Variants in DDAH1 observed in about 807,000 individuals in gnomAD.
DDAH1 encodes the protein dimethylarginine dimethylaminohydrolase 1.
In DDAH1, 19 loss-of-function variants were observed where a neutral mutation model predicts 28.8. The ratio of observed to expected loss-of-function variants is 0.66; its 90% CI spans 0.46 to 0.97. The LOEUF (loss-of-function observed/expected upper bound fraction) is 0.97, where lower values mean the gene tolerates loss of function less well. Among genes scored for constraint, DDAH1 ranks in the 50% least tolerant of loss-of-function variants. DDAH1 has a pLI of 0.00. For synonymous variants in DDAH1, 153 were observed against 154.4 expected (o/e 0.99, Z 0.07); for missense variants, 326 against 375.9 (o/e 0.87, Z 1.10).
chr1:85,488,219 T>C (rs1235130494), intron 2 of DDAH1: 1 of 152,058 alleles, frequency 6.6e-6, no homozygotes, highest in Admixed American at 6.6e-5. Flanking sequence ...GAGATTGTAT[T>C]AGTCAGCTCA....
intron 1 of DDAH1, among the ~76,000 whole-genome samples, chr1:85,546,028 G>A (rs1658612701): frequency 6.6e-6 from 1 of 151,942 alleles, no homozygotes; most frequent in African/African-American, 2.4e-5. Flanking sequence ...CTTCTGCGGT[G>A]GTTGTGAAGA....
At chr1:85,456,895 C>T (rs924916608) in intron 1 of DDAH1, among the ~76,000 whole-genome samples, 5 of 152,126 alleles carry the variant, frequency 3.3e-5, no homozygotes, top group African/African-American at 7.2e-5. Flanking sequence ...ATCTAAATGG[C>T]AAACTCAGGA....
At chr1:85,373,244 A>G (rs1650479491) in intron 1 of DDAH1, among the ~76,000 whole-genome samples, 1 of 152,130 alleles carries the variant, frequency 6.6e-6, no homozygotes, top group Non-Finnish European at 1.5e-5. Flanking sequence ...AAAGTAAATT[A>G]ACTCTTTCAG....
chr1:85,569,429 A>C (rs560865286), intron 1 of DDAH1, among the ~76,000 whole-genome samples: 1 of 152,340 alleles, frequency 6.6e-6, no homozygotes, highest in African/African-American at 2.4e-5. Context: ...ACCTGGCCCT[A>C]GGATGTGGTT....
At chr1:85,372,107 T>C (rs1650413838) in intron 1 of DDAH1, among the ~76,000 whole-genome samples, 1 of 152,084 alleles carries the variant, frequency 6.6e-6, no homozygotes, top group Admixed American at 6.6e-5. Context: ...GCAGAGTGCA[T>C]AGTAATTAAT....
intron 2 of DDAH1, among the ~76,000 whole-genome samples, chr1:85,353,967 G>A (rs1378250938): frequency 6.6e-6 from 1 of 152,128 alleles, no homozygotes; most frequent in Non-Finnish European, 1.5e-5. Flanking sequence ...AGGCTAAGAT[G>A]TGATGGGAAA....
chr1:85,478,571 C>G (rs1655883441), intron 2 of DDAH1, among the ~76,000 whole-genome samples: 1 of 152,158 alleles, frequency 6.6e-6, no homozygotes, highest in African/African-American at 2.4e-5. Flanking sequence ...AATAGGAAAA[C>G]CCACCCCCAT....
chr1:85,498,900 C>T (rs1275957140), intron 1 of DDAH1, among the ~76,000 whole-genome samples: 2 of 151,596 alleles, frequency 1.3e-5, no homozygotes, highest in East Asian at 1.9e-4. Context: ...CCAGCCTGGG[C>T]GACAAAGTGA....
chr1:85,495,160 A>AT (rs35573396), intron 2 of DDAH1: 21,432 of 146,092 alleles, frequency 0.15, 1,619 homozygotes, highest in Admixed American at 0.2. Flanking sequence ...TTTCTGTCCA[A>AT]TTTTTTTTTT....
intron 1 of DDAH1, among the ~76,000 whole-genome samples, chr1:85,438,525 T>C (rs796110073): frequency 1.3e-5 from 2 of 152,208 alleles, no homozygotes; most frequent in South Asian, 4.1e-4. Context: ...TGCAGACTTC[T>C]GACTGTGTGA....
chr1:85,395,881 A>G (rs4428939), intron 1 of DDAH1, among the ~76,000 whole-genome samples: 124,276 of 151,958 alleles, frequency 0.82, 50,968 homozygotes, highest in Middle Eastern at 0.9. Context: ...TTTTCTTGAC[A>G]TGTACTGATC....
intron 1 of DDAH1, among the ~76,000 whole-genome samples, chr1:85,513,394 A>G (rs1439150460): frequency 6.6e-6 from 1 of 152,344 alleles, no homozygotes; most frequent in South Asian, 2.1e-4. Flanking sequence ...AAACCATAAA[A>G]ACCCTAGAAG....
At chr1:85,398,006 C>CATAAATTACCCAGTCTCACAT (rs1651891544) in intron 1 of DDAH1, among the ~76,000 whole-genome samples, 1 of 125,982 alleles carries the variant, frequency 7.9e-6, no homozygotes, top group African/African-American at 3.0e-5. Context: ...TTTTTTTTTT[C>CATAAATTACCCAGTCTCACAT]ATAAATTACC....
intron 1 of DDAH1, among the ~76,000 whole-genome samples, chr1:85,453,819 G>A (rs1654765958): frequency 6.6e-6 from 1 of 152,180 alleles, no homozygotes; most frequent in African/African-American, 2.4e-5. Context: ...AAGTGTGAAG[G>A]AAAGAGAGTG....
intron 1 of DDAH1, among the ~76,000 whole-genome samples, chr1:85,410,274 C>A (rs1183761911): frequency 6.6e-6 from 1 of 151,798 alleles, no homozygotes; most frequent in East Asian, 1.9e-4. Flanking sequence ...GAGTGAGACC[C>A]TTTCTCAAGG....
chr1:85,444,057 C>A (rs910997949), intron 1 of DDAH1, among the ~76,000 whole-genome samples: 1 of 152,092 alleles, frequency 6.6e-6, no homozygotes, highest in Non-Finnish European at 1.5e-5. Flanking sequence ...CTATGTTGAA[C>A]AGGAGTAGTG....
intron 1 of DDAH1, among the ~76,000 whole-genome samples, chr1:85,368,560 G>A (rs918130745): frequency 5.9e-5 from 9 of 152,262 alleles, no homozygotes; most frequent in African/African-American, 1.9e-4. Flanking sequence ...TAATTCAAGC[G>A]GTTCAATTCC....
intron 1 of DDAH1, among the ~76,000 whole-genome samples, chr1:85,420,626 A>G (rs1465918978): frequency 6.6e-6 from 1 of 152,172 alleles, no homozygotes; most frequent in Non-Finnish European, 1.5e-5. Flanking sequence ...TCCATCTGAG[A>G]CCTTGGTAGC....
intron 2 of DDAH1, among the ~76,000 whole-genome samples, chr1:85,486,498 G>A (rs559228662): frequency 6.6e-6 from 1 of 152,234 alleles, no homozygotes; most frequent in African/African-American, 2.4e-5. Context: ...CTAAGCCTTG[G>A]GTAGGATTTT....
Sources: allele counts gnomAD v4.1 joint callset (sites outside exome capture counted in the v4.1 genomes callset), GRCh38; gene constraint gnomAD v4.1.1; transcripts MANE v1.5; gene names NCBI Gene and HGNC (gene_info 2026-07-23, HGNC 2026-07-21).